Variants in PTPRM observed in about 807,000 individuals in gnomAD.
PTPRM encodes the protein receptor-type tyrosine-protein phosphatase mu.
PTPRM carries 47 observed loss-of-function variants against 186.7 expected under a neutral mutation model. The observed-to-expected ratio is 0.25, with a 90% confidence interval of 0.20 to 0.32. PTPRM has a LOEUF of 0.32. PTPRM is among the 10% of genes least tolerant of loss of function. PTPRM has a pLI of 1.00. For synonymous variants in PTPRM, 668 were observed against 674.9 expected (o/e 0.99, Z 0.16); for missense variants, 1,494 against 1,865.0 (o/e 0.80, Z 3.66).
chr18:7,736,833 C>T (rs1033739088), intron 1 of PTPRM, among the ~76,000 whole-genome samples: 9 of 152,248 alleles, frequency 5.9e-5, no homozygotes, highest in East Asian at 3.9e-4. Flanking sequence ...TCGGGCCTGG[C>T]GCTGGGCTGC....
Position 7,709,224 on chromosome 18 carries a change from A to C in PTPRM, c.74-64925A>C, listed in dbSNP as rs186243713. Among the ~76,000 whole-genome samples the C allele has an allele frequency of 3.1e-4, 47 of 152,318 alleles. No homozygotes were observed. In the East Asian group the frequency reaches 8.3e-3, roughly 27 times the overall value. ...CATATCAATTATCTTCTCAGACCAC[A>C]GTGGAATAAAACTGGAAATTAACTT... On this transcript the variant is annotated intron_variant, in intron 1 of 32. Transcript: ENST00000580170.
At chr18:8,006,624 A>G (rs2084202156) in intron 7 of PTPRM, among the ~76,000 whole-genome samples, 1 of 152,152 alleles carries the variant, frequency 6.6e-6, no homozygotes, top group Non-Finnish European at 1.5e-5. Context: ...TAGAACTGGG[A>G]GGATCTTATA....
At chr18:8,126,010 TATATATATA>T (rs1464744648) in intron 13 of PTPRM, among the ~76,000 whole-genome samples, 24 of 23,794 alleles carry the variant, frequency 1.0e-3, no homozygotes, top group East Asian at 2.7e-3. Context: ...TATATATATA[TATATATATA>T]TATATATATT....
At chr18:7,874,632 A>G (rs370698678) in intron 2 of PTPRM, among the ~76,000 whole-genome samples, 2 of 152,178 alleles carry the variant, frequency 1.3e-5, no homozygotes, top group Non-Finnish European at 2.9e-5. Flanking sequence ...TAGAAATGTA[A>G]TAAGTTATAC....
At chr18:7,722,604 A>C (rs1347347052) in intron 1 of PTPRM, among the ~76,000 whole-genome samples, 1 of 152,204 alleles carries the variant, frequency 6.6e-6, no homozygotes, top group African/African-American at 2.4e-5. Context: ...ATGAAATAAA[A>C]GAAAAGATTG....
At chr18:8,396,313 G>A (rs1406600992) in intron 32 of PTPRM, among the ~76,000 whole-genome samples, 1 of 152,202 alleles carries the variant, frequency 6.6e-6, no homozygotes. Flanking sequence ...CTAATTCAGG[G>A]ACAGGTATGT....
intron 2 of PTPRM, among the ~76,000 whole-genome samples, chr18:7,787,852 A>G (rs1220002640): frequency 1.3e-5 from 2 of 152,250 alleles, no homozygotes; most frequent in African/African-American, 4.8e-5. Flanking sequence ...ATTAAAACTG[A>G]GAAAGTTTGA....
rs1598747901 is a variant in PTPRM, at chr18:7,795,037, C to G, written c.196+20766C>G. Among the ~76,000 whole-genome samples, 3 of 152,204 alleles carry G rather than the reference C, an allele frequency of 2.0e-5. No homozygotes were observed. In the East Asian group the frequency reaches 5.8e-4, roughly 29 times the overall value. ...ACATATATTTAAAAGATGCTCTTCT[C>G]TCGTCAAAAGATCAAAGTTGTAGAG... is the stretch of plus-strand genomic sequence containing the variant. On this transcript the variant is annotated intron_variant, in intron 2 of 32. Transcript: ENST00000580170.
chr18:7,676,411 G>T (rs1008810301), intron 1 of PTPRM, among the ~76,000 whole-genome samples: 2 of 152,042 alleles, frequency 1.3e-5, no homozygotes, highest in African/African-American at 2.4e-5. Flanking sequence ...TGTCCGTCTT[G>T]TCCTTTGGCC....
At chr18:7,900,429 C>G (rs1446895811) in intron 3 of PTPRM, among the ~76,000 whole-genome samples, 1 of 152,178 alleles carries the variant, frequency 6.6e-6, no homozygotes, top group African/African-American at 2.4e-5. Flanking sequence ...AGTTTGCCAA[C>G]TCTTGTATTA....
At chr18:7,928,425 A>G (rs1412510063) in intron 5 of PTPRM, among the ~76,000 whole-genome samples, 1 of 152,058 alleles carries the variant, frequency 6.6e-6, no homozygotes, top group Non-Finnish European at 1.5e-5. Context: ...TAAACTCTTG[A>G]TGTTAAAATT....
intron 14 of PTPRM, among the ~76,000 whole-genome samples, chr18:8,179,285 A>G (rs1166368725): frequency 6.6e-6 from 1 of 152,226 alleles, no homozygotes; most frequent in Admixed American, 6.5e-5. Flanking sequence ...GTACAGAGAA[A>G]CAAATATGCT....
intron 22 of PTPRM, among the ~76,000 whole-genome samples, chr18:8,339,988 A>G (rs765603328): frequency 1.3e-5 from 2 of 152,136 alleles, no homozygotes; most frequent in African/African-American, 2.4e-5. Flanking sequence ...CCCTCAAAAA[A>G]AAAACCCCAC....
chr18:7,578,359 G>A lies in PTPRM; in HGVS notation c.73+10468G>A, dbSNP rs372985171. ...TTTTTTTTTTTTTTTTTTTTGAGAC[G>A]GAGTCTTGCTCTGTCGCCCAGGCTG... On this transcript the variant is annotated intron_variant, in intron 1 of 32. Transcript: ENST00000580170. Among the ~76,000 whole-genome samples, 1,261 of 144,072 alleles carry A rather than the reference G, an allele frequency of 8.8e-3. 8 individuals are homozygous for A. Among genetic ancestry groups the A allele is most frequent in the Non-Finnish European group, 0.012 (763 of 66,150 alleles). The allele number at this position is 144,072 out of a possible 152,430, so 94.5% of individuals were successfully genotyped here.
chr18:8,063,823 G>T (rs2148391721), intron 7 of PTPRM, among the ~76,000 whole-genome samples: 1 of 152,270 alleles, frequency 6.6e-6, no homozygotes, highest in Non-Finnish European at 1.5e-5. Flanking sequence ...TGAATGACTA[G>T]CCCAGGGTCC....
At chr18:7,888,445 A>T (rs1353288079) in intron 3 of PTPRM, 68 bp downstream of exon 3, 95 of 1,454,474 alleles carry the variant, frequency 6.5e-5, no homozygotes, top group Non-Finnish European at 8.5e-5. Flanking sequence ...AATTATTGTT[A>T]TATCATTATA....
chr18:7,595,805 C>T (rs1264600994), intron 1 of PTPRM, among the ~76,000 whole-genome samples: 1 of 152,132 alleles, frequency 6.6e-6, no homozygotes, highest in Non-Finnish European at 1.5e-5. Flanking sequence ...TGAATTTGTG[C>T]ACAGCTGAAG....
chr18:7,573,484 T>C (rs1392956041), intron 1 of PTPRM, among the ~76,000 whole-genome samples: 4 of 152,194 alleles, frequency 2.6e-5, no homozygotes, highest in Admixed American at 2.6e-4. Flanking sequence ...GTGATTCTGA[T>C]GTCCACGACA....
At chr18:7,767,018 A>G (rs1308036417) in intron 1 of PTPRM, among the ~76,000 whole-genome samples, 1 of 152,234 alleles carries the variant, frequency 6.6e-6, no homozygotes, top group African/African-American at 2.4e-5. Flanking sequence ...TGACATCATG[A>G]CTATATTTTG....
Sources: allele counts gnomAD v4.1 joint callset (sites outside exome capture counted in the v4.1 genomes callset), GRCh38; gene constraint gnomAD v4.1.1; transcripts MANE v1.5; gene names NCBI Gene and HGNC (gene_info 2026-07-23, HGNC 2026-07-21).